RAB1A: variants seen among roughly 807,000 people sequenced by gnomAD.
The protein encoded by RAB1A is ras-related protein Rab-1A.
In RAB1A, 2 loss-of-function variants were observed where a neutral mutation model predicts 26.0. That is an observed-to-expected ratio of 0.08 (90% CI 0.03 to 0.24). RAB1A has a LOEUF of 0.24. RAB1A is among the 10% of genes least tolerant of loss of function. The pLI is 1.00. For synonymous variants in RAB1A, 84 were observed against 84.9 expected (o/e 0.99, Z 0.06); for missense variants, 100 against 247.0 (o/e 0.40, Z 3.99).
chr2:65,110,595 G>T (rs1403586147), intron 1 of RAB1A, among the ~76,000 whole-genome samples: 1 of 152,074 alleles, frequency 6.6e-6, no homozygotes, highest in Non-Finnish European at 1.5e-5. Context: ...AACACATGCT[G>T]AAGAAATGAG....
At chr2:65,092,496 T>G (rs906565685) in intron 3 of RAB1A, among the ~76,000 whole-genome samples, 4 of 152,216 alleles carry the variant, frequency 2.6e-5, no homozygotes, top group Non-Finnish European at 4.4e-5. Context: ...AAAATGTGCC[T>G]GACTATAGAA....
At chr2:65,093,035 G>A (rs569353424) in intron 3 of RAB1A, among the ~76,000 whole-genome samples, 2 of 152,238 alleles carry the variant, frequency 1.3e-5, no homozygotes, top group South Asian at 2.1e-4. Context: ...GCAGAACTAT[G>A]AGTCAATTAA....
intron 1 of RAB1A, among the ~76,000 whole-genome samples, chr2:65,105,715 G>A (rs1669539519): frequency 6.6e-6 from 1 of 151,750 alleles, no homozygotes; most frequent in African/African-American, 2.4e-5. Flanking sequence ...TGCAAAACTT[G>A]ACTAACACTC....
chr2:65,113,495 G>C (rs1300009158), intron 1 of RAB1A, among the ~76,000 whole-genome samples: 1 of 152,070 alleles, frequency 6.6e-6, no homozygotes, highest in Admixed American at 6.6e-5. Flanking sequence ...TAGGCAACAA[G>C]AGTGAGACCC....
intron 3 of RAB1A, among the ~76,000 whole-genome samples, chr2:65,093,171 CTT>C (rs1357470594): frequency 2.0e-5 from 3 of 152,172 alleles, no homozygotes; most frequent in Admixed American, 6.5e-5. Context: ...ACTCTGAAAA[CTT>C]TCCTGACACT....
At position 65,129,948 on chromosome 2, in the gene RAB1A, C is replaced by T; in HGVS notation, c.-33G>A. ...CAGCTGCCGCCGCCGCCACCGCCGC[C>T]CTTGCTGCCGCAGCCGCCGCCCTGA... On this transcript the variant is annotated 5_prime_UTR_variant, in exon 1 of 6. Transcript: ENST00000409784. The T allele has an allele frequency of 6.3e-7, 1 of 1,579,544 alleles. No homozygotes were observed. Among genetic ancestry groups the T allele is most frequent in the South Asian group, 1.2e-5 (1 of 86,400 alleles).
intron 3 of RAB1A, among the ~76,000 whole-genome samples, chr2:65,093,624 A>AT (rs57642294): frequency 0.12 from 16,824 of 142,624 alleles, 1,100 homozygotes; most frequent in South Asian, 0.19. Context: ...TTGTGTTTAG[A>AT]TTTTTTTTTT....
chr2:65,119,464 G>A (rs115986404), intron 1 of RAB1A, among the ~76,000 whole-genome samples: 2,495 of 149,968 alleles, frequency 0.017, 71 homozygotes, highest in African/African-American at 0.058. Flanking sequence ...CCGAAATCGA[G>A]CCACTGCACT....
intron 2 of RAB1A, among the ~76,000 whole-genome samples, chr2:65,099,020 A>G (rs969787290): frequency 6.6e-6 from 1 of 151,938 alleles, no homozygotes; most frequent in Non-Finnish European, 1.5e-5. Flanking sequence ...TACGTTTAGT[A>G]GAGACAGGGT....
At chr2:65,113,168 G>A (rs1669741070) in intron 1 of RAB1A, among the ~76,000 whole-genome samples, 1 of 152,168 alleles carries the variant, frequency 6.6e-6, no homozygotes, top group Non-Finnish European at 1.5e-5. Flanking sequence ...AAATCAGCAA[G>A]AGGGCCCACC....
intron 3 of RAB1A, among the ~76,000 whole-genome samples, chr2:65,096,763 T>C (rs953549582): frequency 1.4e-4 from 22 of 152,340 alleles, no homozygotes; most frequent in South Asian, 2.1e-4. Flanking sequence ...TTTGTTAACA[T>C]ACCTTCTTTT....
intron 1 of RAB1A, among the ~76,000 whole-genome samples, chr2:65,117,724 G>A (rs940616183): frequency 9.8e-5 from 12 of 122,846 alleles, no homozygotes; most frequent in Non-Finnish European, 2.0e-4. Flanking sequence ...GTGCCACCAC[G>A]TCCAGCTAGT....
intron 1 of RAB1A, 65 bp downstream of exon 1, chr2:65,129,828 C>A: frequency 6.4e-7 from 1 of 1,560,130 alleles, no homozygotes; most frequent in Non-Finnish European, 8.7e-7. Context: ...CAACCCTCCT[C>A]GACCCCTTTA....
intron 1 of RAB1A, among the ~76,000 whole-genome samples, chr2:65,107,556 G>A (rs937980473): frequency 4.0e-5 from 6 of 151,870 alleles, no homozygotes; most frequent in African/African-American, 1.2e-4. Context: ...GCTCGATCTC[G>A]ATTCACTGCA....
intron 1 of RAB1A, among the ~76,000 whole-genome samples, chr2:65,120,317 C>A: frequency 6.6e-6 from 1 of 151,814 alleles, no homozygotes; most frequent in Middle Eastern, 3.4e-3. Flanking sequence ...ATTAGCTGGG[C>A]GTGGTGGCGC....
chr2:65,125,826 T>A (rs1055179169), intron 1 of RAB1A, among the ~76,000 whole-genome samples: 3 of 150,164 alleles, frequency 2.0e-5, no homozygotes, highest in African/African-American at 2.4e-5. Context: ...ACCCTTTCTA[T>A]CTACTTTTTT....
intron 2 of RAB1A, among the ~76,000 whole-genome samples, chr2:65,099,473 T>C (rs1669368032): frequency 6.6e-6 from 1 of 152,188 alleles, no homozygotes; most frequent in African/African-American, 2.4e-5. Context: ...TCAACAAAGA[T>C]GGACCTTAAT....
Position 65,122,167 on chromosome 2 carries a change from A to ATT in RAB1A, c.23+7725_23+7726insAA, listed in dbSNP as rs1558588203. 6.4e-3 allele frequency among the ~76,000 whole-genome samples: 911 copies of ATT among 143,356 alleles called. 25 individuals carry two copies. Among genetic ancestry groups the ATT allele is most frequent in the African/African-American group, 0.022 (867 of 39,534 alleles). The allele number at this position is 143,356 out of a possible 152,430, so 94.0% of individuals were successfully genotyped here. A position where few individuals can be genotyped will look rare whatever the true frequency, so the allele number is the denominator to read the frequency against. The stretch of plus-strand genomic sequence containing the variant: ...CAAGACTCTATCTCAAAAAAAAAAA[A>ATT]AAAAAAAAAAAAAAAAAAGCTGGTA... On this transcript the variant is annotated intron_variant, in intron 1 of 5. Coordinates refer to ENST00000409784, the MANE Select transcript of RAB1A (RefSeq NM_004161.5).
At chr2:65,122,495 G>C (rs1192352213) in intron 1 of RAB1A, among the ~76,000 whole-genome samples, 1 of 152,084 alleles carries the variant, frequency 6.6e-6, no homozygotes, top group Non-Finnish European at 1.5e-5. Context: ...CTAGGAGTTG[G>C]AGGCTATAGT....
Sources: gnomAD v4.1 joint callset for allele counts (sites outside exome capture counted in the v4.1 genomes callset) on GRCh38, gnomAD v4.1.1 for gene constraint, MANE v1.5 for transcripts, NCBI Gene and HGNC (gene_info 2026-07-23, HGNC 2026-07-21) for gene names.